PPP1R14C: variants seen among roughly 807,000 people sequenced by gnomAD.
PPP1R14C encodes the protein protein phosphatase 1 regulatory inhibitor subunit 14C, also known as protein phosphatase 1 regulatory subunit 14C.
PPP1R14C carries 16 observed loss-of-function variants against 20.4 expected under a neutral mutation model. The ratio of observed to expected loss-of-function variants is 0.78; its 90% CI spans 0.53 to 1.19. The LOEUF (loss-of-function observed/expected upper bound fraction) is 1.19. Among genes scored for constraint, PPP1R14C ranks in the 50% most tolerant of loss-of-function variants. The pLI is 0.00. For synonymous variants in PPP1R14C, 91 were observed against 91.0 expected, an observed-to-expected ratio of 1.00 and a Z score of 0.00; for missense variants, 211 against 220.1, an observed-to-expected ratio of 0.96 and a Z score of 0.26.
intron 3 of PPP1R14C, among the ~76,000 whole-genome samples, chr6:150,219,525 G>C (rs1778141235): frequency 6.6e-6 from 1 of 151,674 alleles, no homozygotes. Flanking sequence ...CATAACGCTT[G>C]TCTTTGGTTT....
At chr6:150,179,404 AAG>A (rs1166103443) in intron 1 of PPP1R14C, among the ~76,000 whole-genome samples, 28 of 137,990 alleles carry the variant, frequency 2.0e-4, no homozygotes, top group Non-Finnish European at 3.7e-4. Context: ...GAAAGAGAGA[AAG>A]AGAGAGAGAG....
intron 3 of PPP1R14C, among the ~76,000 whole-genome samples, chr6:150,226,953 G>A (rs1778237381): frequency 6.6e-6 from 1 of 152,136 alleles, no homozygotes; most frequent in Admixed American, 6.6e-5. Context: ...TTTTCTAAAA[G>A]GCAGGCCTGC....
At chr6:150,190,530 G>A (rs993556565) in intron 1 of PPP1R14C, among the ~76,000 whole-genome samples, 3 of 151,588 alleles carry the variant, frequency 2.0e-5, no homozygotes, top group Non-Finnish European at 2.9e-5. Context: ...AGGTTCAAGC[G>A]ATTCTCCTGC....
intron 1 of PPP1R14C, chr6:150,196,276 G>A (rs1777803267): frequency 3.5e-6 from 1 of 283,382 alleles, no homozygotes; most frequent in Non-Finnish European, 5.3e-6. Context: ...ATCTGTGTAA[G>A]CTTGCTGGTT....
intron 3 of PPP1R14C, among the ~76,000 whole-genome samples, chr6:150,233,694 C>T (rs956518294): frequency 6.6e-6 from 1 of 152,198 alleles, no homozygotes; most frequent in Admixed American, 6.5e-5. Context: ...TGGCCAGGCA[C>T]TTTCGGACTG....
At chr6:150,168,524 C>T (rs1465459249) in intron 1 of PPP1R14C, among the ~76,000 whole-genome samples, 1 of 92,940 alleles carries the variant, frequency 1.1e-5, no homozygotes, top group Non-Finnish European at 2.6e-5. Context: ...AAGAGCGAGA[C>T]TCCCGTCTCA....
intron 3 of PPP1R14C, among the ~76,000 whole-genome samples, chr6:150,223,664 T>G (rs1195035371): frequency 6.6e-6 from 1 of 152,238 alleles, no homozygotes; most frequent in Admixed American, 6.5e-5. Flanking sequence ...CTATGTCTGT[T>G]AAGTTTTCTG....
intron 3 of PPP1R14C, among the ~76,000 whole-genome samples, chr6:150,225,311 G>T (rs1245361357): frequency 6.6e-6 from 1 of 152,130 alleles, no homozygotes; most frequent in Non-Finnish European, 1.5e-5. Flanking sequence ...CTCGTACAAA[G>T]GTATGCTCCT....
chr6:150,224,163 G>A (rs551732389), intron 3 of PPP1R14C, among the ~76,000 whole-genome samples: 1 of 152,262 alleles, frequency 6.6e-6, no homozygotes, highest in East Asian at 1.9e-4. Context: ...TGATATTTAT[G>A]TCAGTCTGTT....
chr6:150,209,109 C>A (rs1423784855), intron 1 of PPP1R14C, among the ~76,000 whole-genome samples: 2 of 152,146 alleles, frequency 1.3e-5, no homozygotes, highest in Admixed American at 6.5e-5. Context: ...CCCCTGCCAC[C>A]CCACGTTTCT....
intron 3 of PPP1R14C, among the ~76,000 whole-genome samples, chr6:150,219,081 AGTATTTT>A (rs1390979757): frequency 2.0e-5 from 3 of 152,202 alleles, no homozygotes; most frequent in East Asian, 1.9e-4. Flanking sequence ...GTTATTTAAC[AGTATTTT>A]GTTAAATTAG....
At chr6:150,159,256 G>T (rs1777338740) in intron 1 of PPP1R14C, among the ~76,000 whole-genome samples, 1 of 152,170 alleles carries the variant, frequency 6.6e-6, no homozygotes, top group Non-Finnish European at 1.5e-5. Flanking sequence ...TAAAGTATTA[G>T]AACACAAATA....
At chr6:150,186,416 G>A (rs1777677489) in intron 1 of PPP1R14C, among the ~76,000 whole-genome samples, 1 of 152,126 alleles carries the variant, frequency 6.6e-6, no homozygotes, top group Non-Finnish European at 1.5e-5. Context: ...TTATTCCACT[G>A]GGCTTTTGCT....
intron 1 of PPP1R14C, among the ~76,000 whole-genome samples, chr6:150,203,682 CCGTCT>C (rs1249695267): frequency 4.7e-5 from 7 of 148,968 alleles, no homozygotes; most frequent in Admixed American, 4.1e-4. Flanking sequence ...TGCAGGGGAA[CCGTCT>C]TCTCTCCAAG....
chr6:150,234,297 G>T (rs952965527), intron 3 of PPP1R14C, among the ~76,000 whole-genome samples: 9 of 152,032 alleles, frequency 5.9e-5, no homozygotes, highest in African/African-American at 2.2e-4. Flanking sequence ...AGTGTAAAAT[G>T]GTACAATCAC....
chr6:150,248,391 C>T (rs1475792422), intron 3 of PPP1R14C, among the ~76,000 whole-genome samples: 1 of 152,168 alleles, frequency 6.6e-6, no homozygotes, highest in Non-Finnish European at 1.5e-5. Flanking sequence ...AGACCCCAAC[C>T]TGGACAGGCT....
chr6:150,160,414 A>G (rs543345896), intron 1 of PPP1R14C, among the ~76,000 whole-genome samples: 19 of 146,280 alleles, frequency 1.3e-4, no homozygotes, highest in South Asian at 4.5e-4. Context: ...GCAGGTGCCG[A>G]CCACCACACC....
intron 3 of PPP1R14C, among the ~76,000 whole-genome samples, chr6:150,238,654 C>G (rs541615824): frequency 5.3e-5 from 8 of 152,352 alleles, no homozygotes; most frequent in African/African-American, 1.9e-4. Flanking sequence ...TCCCAGCTGG[C>G]CTGGGAGCTC....
At chr6:150,230,522 C>T (rs1190258586) in intron 3 of PPP1R14C, among the ~76,000 whole-genome samples, 1 of 152,180 alleles carries the variant, frequency 6.6e-6, no homozygotes, top group Non-Finnish European at 1.5e-5. Flanking sequence ...TCCCCCCACC[C>T]TCTGCGTAGG....
Sources: gnomAD v4.1 joint callset for allele counts (sites outside exome capture counted in the v4.1 genomes callset) on GRCh38, gnomAD v4.1.1 for gene constraint, MANE v1.5 for transcripts, NCBI Gene and HGNC (gene_info 2026-07-23, HGNC 2026-07-21) for gene names.